Variants in TSPEAR observed in about 807,000 individuals in gnomAD.
TSPEAR encodes thrombospondin type laminin G domain and EAR repeats.
In TSPEAR, 69 loss-of-function variants were observed where a neutral mutation model predicts 71.6. The ratio of observed to expected loss-of-function variants is 0.96; its 90% CI spans 0.79 to 1.18. The LOEUF (loss-of-function observed/expected upper bound fraction) is 1.18. Among genes scored for constraint, TSPEAR ranks in the 50% most tolerant of loss-of-function variants. TSPEAR has a pLI of 0.00. For missense variants in TSPEAR, 971 were observed against 894.9 expected, an observed-to-expected ratio of 1.09 and a Z score of -1.09; for synonymous variants, 402 against 387.2, an observed-to-expected ratio of 1.04 and a Z score of -0.45.
chr21:44,702,430 C>A, intron 1 of TSPEAR: 1 of 1,592,126 alleles, frequency 6.3e-7, no homozygotes, highest in Non-Finnish European at 8.6e-7. Context: ...TAGCTGCCAG[C>A]CAGCTTGCTG....
At chr21:44,550,043 C>T (rs587762167) in intron 2 of TSPEAR, among the ~76,000 whole-genome samples, 35 of 152,396 alleles carry the variant, frequency 2.3e-4, no homozygotes, top group Non-Finnish European at 4.0e-4. Flanking sequence ...TGCCACCCCC[C>T]GGGACAGCCC....
intron 9 of TSPEAR, chr21:44,519,803 CAG>C (rs2052694644): frequency 2.0e-5 from 3 of 152,424 alleles, no homozygotes; most frequent in South Asian, 4.1e-4. Context: ...TTGTGGATAA[CAG>C]GGACCAGTGG....
At chr21:44,698,138 C>G (rs1987473527) in intron 1 of TSPEAR, 1 of 670,248 alleles carries the variant, frequency 1.5e-6, no homozygotes, top group Admixed American at 2.9e-5. Flanking sequence ...CTGCCTCCAC[C>G]CACTCCCCCG....
At chr21:44,629,050 G>A (rs1983092416) in intron 1 of TSPEAR, among the ~76,000 whole-genome samples, 1 of 152,164 alleles carries the variant, frequency 6.6e-6, no homozygotes, top group Admixed American at 6.5e-5. Context: ...CCTCCTGGGG[G>A]TAGTTTCTTA....
intron 2 of TSPEAR, among the ~76,000 whole-genome samples, chr21:44,561,630 C>T (rs2053633904): frequency 6.6e-6 from 1 of 152,172 alleles, no homozygotes; most frequent in Non-Finnish European, 1.5e-5. Flanking sequence ...AGCTTATACA[C>T]CACAATCAAG....
At chr21:44,592,561 C>T in intron 1 of TSPEAR, 1 of 1,541,060 alleles carries the variant, frequency 6.5e-7, no homozygotes, top group South Asian at 1.3e-5. Context: ...TTCCACCTGG[C>T]CTTGTTGTCC....
chr21:44,546,980 A>G lies in TSPEAR; in HGVS notation c.304-13057T>C, dbSNP rs1483738581. On this transcript the variant is annotated intron_variant, in intron 2 of 11. Coordinates refer to ENST00000323084, the MANE Select transcript of TSPEAR (RefSeq NM_144991.3). The surrounding 1 kb of genome is among the most constrained non-coding windows in gnomAD (Gnocchi z 4.4). ...TTTCTGCTCCCCCTGTCTCCCCTCC[A>G]TCTGGAAATCCAGTTAAGTGTGTTG... Among the ~76,000 whole-genome samples the G allele has an allele frequency of 6.6e-6, 1 of 152,110 alleles. No individual in the cohort carries two copies. The highest frequency in any genetic ancestry group is 2.4e-5 in the African/African-American group (1 of 41,416).
chr21:44,543,477 G>A (rs2053253944), intron 2 of TSPEAR, among the ~76,000 whole-genome samples: 1 of 152,102 alleles, frequency 6.6e-6, no homozygotes, highest in Non-Finnish European at 1.5e-5. Flanking sequence ...CTAGTACTTG[G>A]CCGAATCATT....
intron 1 of TSPEAR, chr21:44,580,594 A>T: frequency 6.3e-7 from 1 of 1,598,766 alleles, no homozygotes; most frequent in Non-Finnish European, 8.5e-7. Flanking sequence ...GGTGGGGAAG[A>T]CGTGAGCTGG....
chr21:44,568,092 G>A (rs1178736451), intron 1 of TSPEAR, 87 bp from the exon 2 acceptor site: 22 of 1,029,962 alleles, frequency 2.1e-5, no homozygotes, highest in Admixed American at 9.3e-5. Flanking sequence ...GGGCATCAGC[G>A]TGGCAGGCAC....
chr21:44,685,661 G>A (rs549972348), intron 1 of TSPEAR, among the ~76,000 whole-genome samples: 2 of 152,348 alleles, frequency 1.3e-5, no homozygotes, highest in Admixed American at 6.5e-5. Context: ...CAACGTGGCT[G>A]ATGTTTTCAT....
intron 2 of TSPEAR, chr21:44,558,475 G>A (rs782374777): frequency 6.2e-7 from 1 of 1,614,062 alleles, no homozygotes; most frequent in Admixed American, 1.7e-5. Context: ...CTAGACTGCT[G>A]GCAGCACGAG....
At chr21:44,611,664 G>T (rs1447261991) in intron 1 of TSPEAR, among the ~76,000 whole-genome samples, 1 of 152,066 alleles carries the variant, frequency 6.6e-6, no homozygotes, top group Non-Finnish European at 1.5e-5. Flanking sequence ...CAGAACTCTG[G>T]GACAGGTGGA....
intron 9 of TSPEAR, among the ~76,000 whole-genome samples, chr21:44,509,639 G>A (rs2052309757): frequency 6.6e-6 from 1 of 152,116 alleles, no homozygotes; most frequent in Non-Finnish European, 1.5e-5. Flanking sequence ...CTGCCACTTG[G>A]CAGGACGTGG....
At position 44,624,762 on chromosome 21, in the gene TSPEAR, A is replaced by G. The variant is rs138061552; in HGVS notation, c.83-56757T>C. On this transcript the variant is annotated intron_variant, in intron 1 of 11. Coordinates refer to ENST00000323084, the MANE Select transcript of TSPEAR (RefSeq NM_144991.3). ...TGTCTTCCAATTGTATGAGACTACT[A>G]AAAGCTGTGCTCAGCCTCAGCCTCA... Among the ~76,000 whole-genome samples the G allele has an allele frequency of 1.1e-3, 168 of 152,348 alleles. 1 individual carries two copies. The highest frequency in any genetic ancestry group is 3.9e-3 in the African/African-American group (164 of 41,580).
At position 44,701,041 on chromosome 21, in the gene TSPEAR, C is replaced by A. The variant is rs80253108; in HGVS notation, c.82+10392G>T. ...CCCCAGACAATGTCCCTACCCTCATCCCTGGAACCTGTGAATCTGCCCTTA... is the reference window on the plus strand; with the variant it reads ...CCCCAGACAATGTCCCTACCCTCATACCTGGAACCTGTGAATCTGCCCTTA... On this transcript the variant is annotated intron_variant, in intron 1 of 11. Transcript: ENST00000323084. Among the ~76,000 whole-genome samples, 541 of 152,270 alleles carry A rather than the reference C, an allele frequency of 3.6e-3. 3 individuals carry two copies. The highest frequency in any genetic ancestry group is 0.013 in the African/African-American group (527 of 41,518).
At chr21:44,676,881 T>G (rs1601555280) in intron 1 of TSPEAR, 1 of 892,306 alleles carries the variant, frequency 1.1e-6, no homozygotes, top group East Asian at 2.4e-5. Context: ...CCTTCTGTTC[T>G]GCTAGCTCTC....
chr21:44,665,032 A>C (rs1985681415), intron 1 of TSPEAR, among the ~76,000 whole-genome samples: 1 of 152,214 alleles, frequency 6.6e-6, no homozygotes, highest in African/African-American at 2.4e-5. Context: ...ACGTGTGTGC[A>C]TAAGTGTGTG....
intron 1 of TSPEAR, among the ~76,000 whole-genome samples, chr21:44,591,021 G>C (rs142113760): frequency 0.24 from 24,387 of 102,196 alleles, 1,438 homozygotes; most frequent in African/African-American, 0.35. Context: ...GCCTGCTGGG[G>C]GTCAGGACTC....
Sources: allele counts gnomAD v4.1 joint callset (sites outside exome capture counted in the v4.1 genomes callset), GRCh38; gene constraint gnomAD v4.1.1; non-coding constraint Gnocchi (gnomAD v3.1); transcripts MANE v1.5; gene names NCBI Gene and HGNC (gene_info 2026-07-23, HGNC 2026-07-21).